Variants in EP400 observed in about 807,000 individuals in gnomAD.
EP400 encodes the protein E1A binding protein p400, also known as E1A-binding protein p400.
EP400 carries 105 observed loss-of-function variants against 354.1 expected under a neutral mutation model. The observed-to-expected ratio is 0.30, with a 90% CI of 0.25 to 0.35. The LOEUF (loss-of-function observed/expected upper bound fraction) is 0.35, where lower values mean the gene tolerates loss of function less well. Ranked by LOEUF, EP400 falls within the 10% of genes least tolerant of loss-of-function variation. EP400 has a pLI of 1.00. For synonymous variants in EP400, 1,646 were observed against 1,716.9 expected, an observed-to-expected ratio of 0.96 and a Z score of 1.02; for missense variants, 3,280 against 4,121.0, an observed-to-expected ratio of 0.80 and a Z score of 5.59.
At chr12:132,023,628 AGTG>A in intron 23 of EP400, 146 bp from the exon 24 acceptor site, 1 of 548,740 alleles carries the variant, frequency 1.8e-6, no homozygotes, top group South Asian at 3.6e-5. Flanking sequence ...ATTTTTAAGA[AGTG>A]GTAGAAAACA....
chr12:132,074,294 C>T (rs752106351), intron 51 of EP400, among the ~76,000 whole-genome samples: 1 of 152,164 alleles, frequency 6.6e-6, no homozygotes, highest in Non-Finnish European at 1.5e-5. Flanking sequence ...TGAAGAGGAG[C>T]CGGTGTCTGT....
rs536403459 is a variant in EP400, at chr12:131,992,432, C to T, written c.2737+202C>T. Among the ~76,000 whole-genome samples, 7 of 152,284 alleles carry T rather than the reference C, an allele frequency of 4.6e-5. No individual in the cohort carries two copies. In the East Asian group the frequency reaches 9.7e-4, roughly 21 times the overall value. ...GGGATGTTTTCTGGAGCAACATGGTCGTATCTGCTTTTTGAGGTTTGGAAA... is the reference window on the plus strand; with the variant it reads ...GGGATGTTTTCTGGAGCAACATGGTTGTATCTGCTTTTTGAGGTTTGGAAA... On this transcript the variant is annotated intron_variant, in intron 11 of 52. Transcript: ENST00000389561.
At chr12:132,058,022 G>A (rs1283494728) in intron 45 of EP400, among the ~76,000 whole-genome samples, 2 of 152,152 alleles carry the variant, frequency 1.3e-5, no homozygotes, top group African/African-American at 4.8e-5. Flanking sequence ...AGATAGCAGT[G>A]GTGGACATGT....
intron 45 of EP400, 75 bp from the exon 46 acceptor site, chr12:132,062,034 CT>C: frequency 7.3e-7 from 1 of 1,365,324 alleles, no homozygotes; most frequent in Non-Finnish European, 1.0e-6. Context: ...GTGCTCTTGT[CT>C]TCCCTGCTCT....
At chr12:132,040,867 A>C (rs984621106) in intron 32 of EP400, among the ~76,000 whole-genome samples, 1 of 152,180 alleles carries the variant, frequency 6.6e-6, no homozygotes, top group Admixed American at 6.5e-5. Flanking sequence ...GGCATCACCT[A>C]AGAGAGTCGC....
rs990785126 is a variant in EP400, at chr12:132,054,116, C to T, written c.7728+519C>T. ...CTGCGGACTGTGGCCATGCACACCA[C>T]GCTCTGGTGTATCTCTGTACTGTGT... On this transcript the variant is annotated intron_variant, in intron 43 of 52. Transcript: ENST00000389561. The surrounding 1 kb of genome is among the most constrained non-coding windows in gnomAD (Gnocchi z 4.0). Among the ~76,000 whole-genome samples, 10 of 152,202 alleles carry T rather than the reference C, an allele frequency of 6.6e-5. No individual in the cohort carries two copies. Among genetic ancestry groups the T allele is most frequent in the Non-Finnish European group, 1.0e-4 (7 of 68,040 alleles).
At chr12:131,991,588 T>TTC (rs2136504613) in intron 10 of EP400, 132 bp downstream of exon 10, 1 of 894,130 alleles carries the variant, frequency 1.1e-6, no homozygotes, top group African/African-American at 1.7e-5. Flanking sequence ...TTTTTTTTTT[T>TTC]TTTTGTTTTA....
chr12:132,020,903 T>A lies in EP400; in HGVS notation c.4448-176T>A, dbSNP rs532594550. Reference sequence around the variant, plus strand: ...TGAAGATAATTATCAACAAGTAAAATTATATTTCTCTCACCCTGTAAACTA... The same window carrying A: ...TGAAGATAATTATCAACAAGTAAAAATATATTTCTCTCACCCTGTAAACTA... On this transcript the variant is annotated intron_variant, in intron 22 of 52. Coordinates refer to ENST00000389561, the MANE Select transcript of EP400 (RefSeq NM_015409.5). Among the ~76,000 whole-genome samples the A allele has an allele frequency of 3.3e-5, 5 of 152,358 alleles. 1 individual carries two copies. Among genetic ancestry groups the A allele is most frequent in the African/African-American group, 1.2e-4 (5 of 41,578 alleles).
At chr12:132,000,672 A>G (rs887007953) in intron 12 of EP400, among the ~76,000 whole-genome samples, 6 of 152,186 alleles carry the variant, frequency 3.9e-5, no homozygotes, top group South Asian at 2.1e-4. Flanking sequence ...TTGTTATCCT[A>G]TTACGTCATC....
Position 131,979,708 on chromosome 12 carries a change from A to G in EP400, c.1350A>G (p.Ala450=). The G allele has an allele frequency of 1.9e-6, 3 of 1,607,776 alleles. No homozygotes were observed. Among genetic ancestry groups the G allele is most frequent in the South Asian group, 2.2e-5 (2 of 90,298 alleles). ...TTTTTTCCCAGCAGCAAGCCCTCGC[A>G]GGGAGCCTGGTAGCAGGGGCCGGAA... The part of the protein sequence containing the change: ...EVINDEQQAL[A]GSLVAGAGST... Residue 450 remains alanine, a synonymous_variant, in exon 3 of 53, where the codon GCA becomes GCG. Transcript: ENST00000389561.
chr12:132,034,466 G>A (rs972197402), intron 30 of EP400, among the ~76,000 whole-genome samples: 9 of 152,162 alleles, frequency 5.9e-5, no homozygotes, highest in African/African-American at 1.4e-4. Flanking sequence ...GGTTCTATGC[G>A]TGCACACACA....
intron 2 of EP400, among the ~76,000 whole-genome samples, chr12:131,973,636 C>G (rs1031012117): frequency 2.6e-5 from 4 of 152,134 alleles, no homozygotes; most frequent in Admixed American, 6.5e-5. Flanking sequence ...GAGCAAGACT[C>G]TGTCTCAAAA....
At chr12:131,973,596 T>C (rs896757047) in intron 2 of EP400, among the ~76,000 whole-genome samples, 10 of 152,296 alleles carry the variant, frequency 6.6e-5, no homozygotes, top group East Asian at 1.9e-4. Context: ...TGAGCCAAGA[T>C]TGTGCCGCTG....
rs752346997 is a variant in EP400, at chr12:132,077,456, A to C, written c.9155A>C (p.Gln3052Pro). 2 of 1,613,338 alleles carry C rather than the reference A, an allele frequency of 1.2e-6. No individual in the cohort carries two copies. Among genetic ancestry groups the C allele is most frequent in the Non-Finnish European group, 1.7e-6 (2 of 1,179,998 alleles). Reference sequence around the variant, plus strand: ...GCGACGGCGGCCGGGCAGCAGGTGCAGATGATCCCTGCAGTGACCGCGACT... The same window carrying C: ...GCGACGGCGGCCGGGCAGCAGGTGCCGATGATCCCTGCAGTGACCGCGACT... ...TQATAAGQQV[Q>P]MIPAVTATAQ... The change falls in exon 53 of 53, where the codon CAG (glutamine) becomes CCG (proline). Residue 3052 changes from glutamine to proline, a missense_variant. Gln to Pro is a moderately conservative substitution (Grantham distance 76). Around this residue, in one of 20 missense-constraint regions of EP400, gnomAD observed 279 missense variants for 386.7 expected, o/e 0.72. Coordinates refer to ENST00000389561, the MANE Select transcript of EP400 (RefSeq NM_015409.5).
intron 45 of EP400, among the ~76,000 whole-genome samples, chr12:132,055,609 TGA>T (rs1459501497): frequency 8.4e-6 from 1 of 119,070 alleles, no homozygotes; most frequent in African/African-American, 3.4e-5. Context: ...GGGGTGTGTG[TGA>T]GGTGTAGGGG....
intron 32 of EP400, among the ~76,000 whole-genome samples, chr12:132,041,789 T>C (rs899857919): frequency 1.3e-5 from 2 of 152,180 alleles, no homozygotes; most frequent in East Asian, 1.9e-4. Flanking sequence ...CAGGGCAGAA[T>C]GTGGGATAGT....
chr12:131,952,563 A>G (rs1891548273), intron 1 of EP400, among the ~76,000 whole-genome samples: 1 of 152,070 alleles, frequency 6.6e-6, no homozygotes, highest in Non-Finnish European at 1.5e-5. Flanking sequence ...TCTTGAGCTC[A>G]AGTGATCTCC....
At position 132,062,708 on chromosome 12, in the gene EP400, A is replaced by AT; in HGVS notation, c.8334+10dup. ...TGTGGGCAAGCTGACGCCGGTGAGCATTTCCCAGAGGACCATGAACGTGTG... is the reference window on the plus strand; with the variant it reads ...TGTGGGCAAGCTGACGCCGGTGAGCATTTTCCCAGAGGACCATGAACGTGTG... On this transcript the variant is annotated splice_region_variant and intron_variant, in intron 47 of 52. Transcript: ENST00000389561. The AT allele has an allele frequency of 6.2e-7, 1 of 1,612,972 alleles. No individual in the cohort carries two copies. Among genetic ancestry groups the AT allele is most frequent in the Non-Finnish European group, 8.5e-7 (1 of 1,179,006 alleles).
At chr12:132,037,119 T>G (rs1894745289) in intron 30 of EP400, among the ~76,000 whole-genome samples, 1 of 152,206 alleles carries the variant, frequency 6.6e-6, no homozygotes, top group African/African-American at 2.4e-5. Flanking sequence ...TCCCCAGTGA[T>G]GGAATCTTGA....
Sources: gnomAD v4.1 joint callset for allele counts (sites outside exome capture counted in the v4.1 genomes callset) on GRCh38, gnomAD v4.1.1 for gene constraint, gnomAD v4.1.1 regional missense constraint, Gnocchi (gnomAD v3.1) non-coding constraint, MANE v1.5 for transcripts, NCBI Gene and HGNC (gene_info 2026-07-23, HGNC 2026-07-21) for gene names.